The following ECHDC1 variants were observed in gnomAD, a reference collection of about 807,000 sequenced individuals.
ECHDC1 encodes ethylmalonyl-CoA decarboxylase.
Under a neutral mutation model 29.7 loss-of-function variants are expected in ECHDC1, and 29 were observed. That is an observed-to-expected ratio of 0.98 (90% confidence interval 0.73 to 1.33). The LOEUF is 1.33. Among genes scored for constraint, ECHDC1 ranks in the 40% most tolerant of loss-of-function variants. ECHDC1 has a pLI of 0.00. For missense variants in ECHDC1, 328 were observed against 350.0 expected, an observed-to-expected ratio of 0.94 and a Z score of 0.50; for synonymous variants, 126 against 123.1, an observed-to-expected ratio of 1.02 and a Z score of -0.15.
intron 2 of ECHDC1, among the ~76,000 whole-genome samples, chr6:127,329,369 TA>T (rs1468686004): frequency 1.4e-5 from 1 of 69,356 alleles, no homozygotes; most frequent in Non-Finnish European, 3.4e-5. Context: ...TGCATCAAAA[TA>T]ATATGTTTCT....
chr6:127,323,100 G>C (rs1042986163), intron 3 of ECHDC1, among the ~76,000 whole-genome samples: 2 of 152,066 alleles, frequency 1.3e-5, no homozygotes, highest in Non-Finnish European at 2.9e-5. Context: ...TTACCTCCAG[G>C]CTGTGTGTTT....
At position 127,338,845 on chromosome 6, in the gene ECHDC1, G is replaced by A. The variant is rs867720949; in HGVS notation, c.-3+4491C>T. Among the ~76,000 whole-genome samples, 4 of 152,102 alleles carry A rather than the reference G, an allele frequency of 2.6e-5. No homozygotes were observed. In the South Asian group the frequency reaches 6.2e-4, roughly 24 times the overall value. On this transcript the variant is annotated intron_variant, in intron 1 of 5. Transcript: ENST00000454859. ...TGATGAATGAAGAAAAATACCAGTT[G>A]AGTCACCTAACCAGTACTGAAAAAG... is the stretch of plus-strand genomic sequence containing the variant.
chr6:127,318,501 A>G (rs751480325), intron 3 of ECHDC1, among the ~76,000 whole-genome samples: 5 of 152,228 alleles, frequency 3.3e-5, no homozygotes, highest in Non-Finnish European at 7.3e-5. Context: ...GAAGTTCTCA[A>G]TAATTTTGCC....
At chr6:127,323,413 A>G (rs1783014923) in intron 3 of ECHDC1, among the ~76,000 whole-genome samples, 1 of 152,128 alleles carries the variant, frequency 6.6e-6, no homozygotes, top group African/African-American at 2.4e-5. Flanking sequence ...CAAATTATGC[A>G]TCATCTCATT....
intron 3 of ECHDC1, among the ~76,000 whole-genome samples, chr6:127,323,874 T>C (rs1040616165): frequency 6.6e-6 from 1 of 152,166 alleles, no homozygotes; most frequent in Non-Finnish European, 1.5e-5. Context: ...AACAAGTTCC[T>C]TGGAGGATTG....
chr6:127,327,294 A>G, intron 2 of ECHDC1, 150 bp from the exon 3 acceptor site: 1 of 846,142 alleles, frequency 1.2e-6, no homozygotes, highest in Non-Finnish European at 1.8e-6. Context: ...CTGCACTGGC[A>G]CTATGGAGTA....
At chr6:127,293,162 ACTT>A (rs1780333126) in intron 5 of ECHDC1, among the ~76,000 whole-genome samples, 1 of 152,120 alleles carries the variant, frequency 6.6e-6, no homozygotes. Flanking sequence ...GTGAGTTACT[ACTT>A]CTTGATGAGT....
intron 3 of ECHDC1, among the ~76,000 whole-genome samples, chr6:127,317,179 C>T (rs1040433852): frequency 6.6e-6 from 1 of 151,986 alleles, no homozygotes; most frequent in Non-Finnish European, 1.5e-5. Context: ...CATATTTGCT[C>T]TCACTTTCTA....
intron 5 of ECHDC1, among the ~76,000 whole-genome samples, chr6:127,309,684 C>T (rs1781740491): frequency 6.6e-6 from 1 of 152,114 alleles, no homozygotes; most frequent in Non-Finnish European, 1.5e-5. Context: ...CTATTAAGAA[C>T]TACTTGATAC....
At chr6:127,303,426 G>T (rs924662590) in intron 5 of ECHDC1, among the ~76,000 whole-genome samples, 2 of 152,156 alleles carry the variant, frequency 1.3e-5, no homozygotes, top group African/African-American at 4.8e-5. Flanking sequence ...TATTGCCGAT[G>T]TGAAGAAAGT....
intron 4 of ECHDC1, 140 bp downstream of exon 4, chr6:127,316,310 G>C: frequency 1.6e-6 from 1 of 637,772 alleles, no homozygotes; most frequent in Non-Finnish European, 2.7e-6. Flanking sequence ...TATCCTCTAC[G>C]GCACAAAAAA....
intron 5 of ECHDC1, among the ~76,000 whole-genome samples, chr6:127,311,801 AAC>A (rs1490748854): frequency 1.2e-3 from 189 of 151,574 alleles, no homozygotes; most frequent in Non-Finnish European, 2.1e-3. Flanking sequence ...AAAAAAAAAA[AAC>A]ATTAGTATGA....
In ECHDC1 at chr6:127,332,380, T is replaced by G. The variant is rs1317366514; in HGVS notation, c.-2-1350A>C. On this transcript the variant is annotated intron_variant, in intron 1 of 5. Transcript: ENST00000454859. ...ACAGGTCTCAACCAATTCAGAATAT[T>G]TATTTTGCCAAGGTTAGGAATGCAC... Among the ~76,000 whole-genome samples the G allele has an allele frequency of 2.0e-5, 3 of 152,164 alleles. No homozygotes were observed. In the East Asian group the frequency reaches 5.8e-4, roughly 29 times the overall value.
chr6:127,314,860 C>T lies in ECHDC1; in HGVS notation c.453G>A (p.Trp151Ter). 6.2e-7 allele frequency: 1 copy of T among 1,611,936 alleles called. No homozygotes were observed. The highest frequency in any genetic ancestry group is 8.5e-7 in the Non-Finnish European group (1 of 1,178,962). Residue 151 changes from tryptophan to a stop codon, truncating the protein, a stop_gained, in exon 5 of 6, where the codon TGG becomes TGA. Coordinates refer to ENST00000454859, the MANE Select transcript of ECHDC1 (RefSeq NM_001002030.2). LOFTEE classifies it high-confidence loss of function. ...PLISVALVQGWALGGGAEFTT... is the reference protein window; with the variant it reads ...PLISVALVQG ...TAAATTCTGCTCCTCCACCCAATGCCCAACCTTGAACCAGCGCAACACTTA... is the reference window on the plus strand; with the variant it reads ...TAAATTCTGCTCCTCCACCCAATGCTCAACCTTGAACCAGCGCAACACTTA...
intron 5 of ECHDC1, among the ~76,000 whole-genome samples, chr6:127,296,562 G>T (rs1038141762): frequency 6.6e-6 from 1 of 151,962 alleles, no homozygotes; most frequent in Non-Finnish European, 1.5e-5. Flanking sequence ...ACACTTCACA[G>T]ATAATGACAT....
intron 5 of ECHDC1, among the ~76,000 whole-genome samples, chr6:127,301,267 T>C (rs1270871373): frequency 2.0e-5 from 3 of 152,196 alleles, no homozygotes; most frequent in Non-Finnish European, 2.9e-5. Flanking sequence ...CACAGGGTTT[T>C]GCGGGAAGGG....
At chr6:127,336,840 T>C (rs1784464892) in intron 1 of ECHDC1, among the ~76,000 whole-genome samples, 1 of 152,210 alleles carries the variant, frequency 6.6e-6, no homozygotes, top group Admixed American at 6.5e-5. Context: ...TTCTAAGTTA[T>C]CACTCAAATG....
intron 4 of ECHDC1, chr6:127,316,087 T>C (rs568833027): frequency 2.0e-4 from 95 of 471,894 alleles, no homozygotes; most frequent in South Asian, 1.1e-3. Context: ...TTCTACTAAT[T>C]TGGAATATTA....
At chr6:127,328,647 A>G (rs1388254002) in intron 2 of ECHDC1, among the ~76,000 whole-genome samples, 2 of 152,246 alleles carry the variant, frequency 1.3e-5, no homozygotes, top group Non-Finnish European at 2.9e-5. Flanking sequence ...ATAGTCTAGT[A>G]AGGGAAAGAA....
Sources: allele counts gnomAD v4.1 joint callset (sites outside exome capture counted in the v4.1 genomes callset), GRCh38; gene constraint gnomAD v4.1.1; transcripts MANE v1.5; gene names NCBI Gene and HGNC (gene_info 2026-07-23, HGNC 2026-07-21).